Variants in WDFY4 observed in about 807,000 individuals in gnomAD.
WDFY4 encodes WDFY family member 4, also known as WD repeat- and FYVE domain-containing protein 4.
A neutral mutation model predicts 351.9 loss-of-function variants in WDFY4; 169 were observed. The observed-to-expected ratio is 0.48, with a 90% CI of 0.42 to 0.55. The LOEUF is 0.55. Among genes scored for constraint, WDFY4 ranks in the 20% least tolerant of loss-of-function variants. The pLI, the probability that WDFY4 is intolerant of heterozygous loss-of-function variation, is 0.00. For synonymous variants in WDFY4, 1,622 were observed against 1,574.6 expected (o/e 1.03, Z -0.71); for missense variants, 3,803 against 3,935.6 (o/e 0.97, Z 0.90).
chr10:48,768,722 GAA>G (rs1491399410), intron 13 of WDFY4, among the ~76,000 whole-genome samples: 6 of 91,412 alleles, frequency 6.6e-5, no homozygotes, highest in East Asian at 1.0e-3. Context: ...TGGGAGAGGA[GAA>G]GAGAGAGAGA....
At chr10:48,767,876 C>G (rs1200903677) in intron 13 of WDFY4, among the ~76,000 whole-genome samples, 1 of 152,132 alleles carries the variant, frequency 6.6e-6, no homozygotes, top group East Asian at 1.9e-4. Context: ...TGGGCAGGCT[C>G]TGAGCTGGGG....
rs778872914 is a variant in WDFY4 at position 48,731,383 on chromosome 10, G to A, written c.1403G>A (p.Arg468Gln). ...CACTACGTGCCTCATGAGATCCTGC[G>A]AAAGGTACAGCATCTGATCAAGGAG... ...ELHYVPHEIL[R>Q]KVQHLIKESP... The change falls in exon 9 of 62, where the codon CGA becomes CAA. Residue 468 changes from arginine to glutamine, a missense_variant. Transcript: ENST00000325239. The A allele has an allele frequency of 2.4e-5, 37 of 1,551,608 alleles. No homozygotes were observed. The highest frequency in any genetic ancestry group is 3.6e-5 in the South Asian group (3 of 84,068).
intron 41 of WDFY4, among the ~76,000 whole-genome samples, chr10:48,874,486 G>A (rs1370527607): frequency 2.0e-5 from 3 of 152,094 alleles, no homozygotes; most frequent in African/African-American, 7.2e-5. Context: ...TCTCTCGTCT[G>A]TAACCTCAGC....
intron 2 of WDFY4, among the ~76,000 whole-genome samples, chr10:48,718,119 C>T (rs1420614659): frequency 1.3e-5 from 2 of 152,160 alleles, no homozygotes; most frequent in African/African-American, 4.8e-5. Context: ...TTTCAATGTG[C>T]ACTTTATGGA....
At position 48,785,270 on chromosome 10, in the gene WDFY4, G is replaced by A. The variant is rs1020160338; in HGVS notation, c.3577-1369G>A. On this transcript the variant is annotated intron_variant, in intron 19 of 61. Coordinates refer to ENST00000325239, the MANE Select transcript of WDFY4 (RefSeq NM_001394531.1). ...TAGACACTAGTCCTTTGTTAGATAT[G>A]TGATTTGCGATAATTCCTCCTAGTC... 2.6e-5 allele frequency among the ~76,000 whole-genome samples: 4 copies of A among 152,082 alleles called. 1 individual carries two copies. The highest frequency in any genetic ancestry group is 7.2e-5 in the African/African-American group (3 of 41,380).
In WDFY4 at chr10:48,719,157, ACAAACT is replaced by A. The variant is rs145797675; in HGVS notation, c.235-849_235-844del. On this transcript the variant is annotated intron_variant, in intron 2 of 61. Transcript: ENST00000325239. ...CAATAACAAATTAAAAGACAAAATG[ACAAACT>A]CAAAATAACTGCAGTTATATTATGG... Among the ~76,000 whole-genome samples the A allele has an allele frequency of 4.9e-3, 745 of 152,334 alleles. 6 individuals are homozygous for A. Among genetic ancestry groups the A allele is most frequent in the African/African-American group, 0.017 (711 of 41,580 alleles).
At chr10:48,947,643 G>T (rs1841116018) in intron 51 of WDFY4, among the ~76,000 whole-genome samples, 1 of 152,158 alleles carries the variant, frequency 6.6e-6, no homozygotes. Flanking sequence ...GGATTTCTGG[G>T]ACAGAGTCTT....
chr10:48,753,439 G>A (rs2065242769), intron 12 of WDFY4, among the ~76,000 whole-genome samples: 1 of 152,000 alleles, frequency 6.6e-6, no homozygotes, highest in African/African-American at 2.4e-5. Context: ...AAAATCCATT[G>A]CCAAATCCAA....
chr10:48,911,034 G>A (rs1837953704), intron 47 of WDFY4: 1 of 363,818 alleles, frequency 2.7e-6, no homozygotes, highest in Admixed American at 6.4e-5. Context: ...GGCACTGTCT[G>A]TCTCAATCAT....
At chr10:48,763,628 C>A (rs1186337826) in intron 13 of WDFY4, among the ~76,000 whole-genome samples, 2 of 152,180 alleles carry the variant, frequency 1.3e-5, no homozygotes, top group Non-Finnish European at 2.9e-5. Flanking sequence ...TGGGGAAGAA[C>A]CTCTGCTCTT....
chr10:48,709,676 A>G, intron 1 of WDFY4, 40 bp from the exon 2 acceptor site: 1 of 1,507,306 alleles, frequency 6.6e-7, no homozygotes, highest in Non-Finnish European at 9.0e-7. Context: ...TCAGGAAGTG[A>G]TGTGACAGGA....
intron 38 of WDFY4, among the ~76,000 whole-genome samples, chr10:48,831,518 G>C (rs533475272): frequency 6.6e-6 from 1 of 152,314 alleles, no homozygotes; most frequent in Admixed American, 6.5e-5. Flanking sequence ...TCAAGAGTTA[G>C]TTATTTCCAT....
At chr10:48,817,052 C>G (rs2067643564) in intron 31 of WDFY4, among the ~76,000 whole-genome samples, 193 bp from the exon 32 acceptor site, 2 of 152,184 alleles carry the variant, frequency 1.3e-5, no homozygotes. Context: ...ATGTATGAAG[C>G]CCTTACAACG....
In WDFY4 at chr10:48,855,842, T is replaced by G. The variant is rs1331098365; in HGVS notation, c.6664-11423T>G. On this transcript the variant is annotated intron_variant, in intron 39 of 61. Transcript: ENST00000325239. ...AACTTATAAGTTTTATAACTTTTGT[T>G]ACAGTATATTACTATAATTACTCCA... Among the ~76,000 whole-genome samples, 3 of 152,130 alleles carry G rather than the reference T, an allele frequency of 2.0e-5. No individual in the cohort carries two copies. In the East Asian group the frequency reaches 5.8e-4, roughly 29 times the overall value.
At chr10:48,854,082 C>T (rs932153321) in intron 39 of WDFY4, among the ~76,000 whole-genome samples, 1 of 151,114 alleles carries the variant, frequency 6.6e-6, no homozygotes, top group African/African-American at 2.4e-5. Flanking sequence ...TCTTTAAGTG[C>T]TAATTTTAAT....
At chr10:48,964,870 A>G (rs1842009076) in intron 54 of WDFY4, among the ~76,000 whole-genome samples, 2 of 152,158 alleles carry the variant, frequency 1.3e-5, no homozygotes, top group South Asian at 2.1e-4. Context: ...TGCAACCATG[A>G]GGACTCGGGG....
chr10:48,843,188 G>A (rs1235847846), intron 39 of WDFY4, among the ~76,000 whole-genome samples: 1 of 152,170 alleles, frequency 6.6e-6, no homozygotes, highest in East Asian at 1.9e-4. Flanking sequence ...AGTTTGGAAA[G>A]ATTAACCAGA....
chr10:48,910,892 G>GTA, intron 47 of WDFY4: 11 of 985,062 alleles, frequency 1.1e-5, no homozygotes, highest in Non-Finnish European at 1.3e-5. Flanking sequence ...GGTGGGCTCT[G>GTA]TAACCTCGAT....
chr10:48,765,793 T>C (rs955938302), intron 13 of WDFY4, among the ~76,000 whole-genome samples: 5 of 152,206 alleles, frequency 3.3e-5, no homozygotes, highest in Non-Finnish European at 5.9e-5. Flanking sequence ...GAGACTATTG[T>C]CATCCTCAGT....
Sources: gnomAD v4.1 joint callset for allele counts (sites outside exome capture counted in the v4.1 genomes callset) on GRCh38, gnomAD v4.1.1 for gene constraint, MANE v1.5 for transcripts, NCBI Gene and HGNC (gene_info 2026-07-23, HGNC 2026-07-21) for gene names.